The following GCC2 variants were observed in gnomAD, a reference collection of about 807,000 sequenced individuals.
GCC2 encodes the protein GRIP and coiled-coil domain-containing protein 2.
Under a neutral mutation model 210.6 loss-of-function variants are expected in GCC2, and 120 were observed. The observed-to-expected ratio is 0.57, with a 90% CI of 0.49 to 0.66. The LOEUF (loss-of-function observed/expected upper bound fraction) is 0.66. Ranked by LOEUF, GCC2 falls within the 30% of genes least tolerant of loss-of-function variation. GCC2 has a pLI of 0.00. For missense variants in GCC2, 1,868 were observed against 1,871.9 expected (o/e 1.00, Z 0.04); for synonymous variants, 703 against 652.7 (o/e 1.08, Z -1.17).
Position 108,470,433 on chromosome 2 carries a change from T to C in GCC2, c.1104T>C (p.Asp368=). The part of the protein sequence containing the change: ...MNNLKLKLEM[D]AQHIKDEFFH... ...ATCTTAAGTTAAAACTTGAAATGGA[T>C]GCTCAACATATAAAGGATGAGTTTT... Residue 368 remains aspartate, a synonymous_variant, in exon 6 of 23, where the codon GAT becomes GAC. Coordinates refer to ENST00000309863, the MANE Select transcript of GCC2 (RefSeq NM_181453.4). The C allele has an allele frequency of 1.2e-6, 2 of 1,606,544 alleles. No homozygotes were observed. Among genetic ancestry groups the C allele is most frequent in the South Asian group, 1.1e-5 (1 of 90,614 alleles).
chr2:108,501,039 T>G (rs929063334), intron 22 of GCC2, among the ~76,000 whole-genome samples: 18 of 152,246 alleles, frequency 1.2e-4, no homozygotes, highest in Non-Finnish European at 2.1e-4. Flanking sequence ...TCTGTCACCC[T>G]GGCTGGAGTG....
intron 22 of GCC2, among the ~76,000 whole-genome samples, chr2:108,501,229 C>T (rs997432553): frequency 2.0e-5 from 3 of 152,052 alleles, no homozygotes; most frequent in Non-Finnish European, 4.4e-5. Context: ...TTGTGATCTG[C>T]CCGCCTTGGC....
chr2:108,461,484 A>G (rs2104425271), intron 4 of GCC2, among the ~76,000 whole-genome samples: 1 of 152,006 alleles, frequency 6.6e-6, no homozygotes, highest in Admixed American at 6.6e-5. Flanking sequence ...TATTTCACTA[A>G]ATAGGTTTTC....
Position 108,487,694 on chromosome 2 carries a change from T to C in GCC2, c.3931-5T>C. ...AAAAACGTTTCTCTCTTTTAAATGT[T>C]ATAGGCAGAACAAGCTACTGTAACC... On this transcript the variant is annotated splice_polypyrimidine_tract_variant and splice_region_variant and intron_variant, in intron 16 of 22. Transcript: ENST00000309863. 2.5e-6 allele frequency: 4 copies of C among 1,610,122 alleles called. No individual in the cohort carries two copies. The highest frequency in any genetic ancestry group is 3.4e-6 in the Non-Finnish European group (4 of 1,178,562).
At chr2:108,449,515 C>CA in intron 1 of GCC2, 118 bp from the exon 2 acceptor site, 1 of 1,255,296 alleles carries the variant, frequency 8.0e-7, no homozygotes, top group Non-Finnish European at 1.1e-6. Flanking sequence ...TTCTCTGTCT[C>CA]ACGAGGCTTT....
intron 19 of GCC2, chr2:108,493,645 A>G (rs536255871): frequency 5.1e-6 from 5 of 985,454 alleles, no homozygotes; most frequent in East Asian, 1.1e-4. Flanking sequence ...AATGTCAGCC[A>G]TGATGATGCA....
chr2:108,498,845 G>T (rs943769569), intron 21 of GCC2, among the ~76,000 whole-genome samples: 5 of 151,626 alleles, frequency 3.3e-5, no homozygotes, highest in Middle Eastern at 3.4e-3. Context: ...AGGGGCAGGG[G>T]GTTAGTGGAG....
intron 4 of GCC2, among the ~76,000 whole-genome samples, chr2:108,465,251 A>C (rs1680819650): frequency 6.6e-6 from 1 of 152,198 alleles, no homozygotes. Flanking sequence ...TTATCTACTC[A>C]CTATTTTGGT....
chr2:108,471,845 A>C lies in GCC2; in HGVS notation c.2516A>C (p.Glu839Ala). 6.2e-7 allele frequency: 1 copy of C among 1,613,522 alleles called. No individual in the cohort carries two copies. The highest frequency in any genetic ancestry group is 1.1e-5 in the South Asian group (1 of 90,978). Reference protein sequence around the residue: ...LKSLLRDYEQEKVLLRKELEE... With the variant: ...LKSLLRDYEQAKVLLRKELEE... The stretch of plus-strand genomic sequence containing the variant: ...TCTTTATTGAGAGACTATGAGCAAG[A>C]GAAAGTTCTCTTAAGGAAAGAGTTA... The change falls in exon 6 of 23, where the codon GAG becomes GCG. Residue 839 changes from glutamate to alanine, a missense_variant. Glu to Ala is a moderately radical substitution (Grantham distance 107). Transcript: ENST00000309863.
intron 4 of GCC2, among the ~76,000 whole-genome samples, chr2:108,464,224 C>T (rs545109148): frequency 1.3e-5 from 2 of 152,212 alleles, no homozygotes; most frequent in East Asian, 1.9e-4. Context: ...ATCACCTGTG[C>T]GTCGGCCCAC....
At position 108,492,586 on chromosome 2, in the gene GCC2, C is replaced by A; in HGVS notation, c.4243C>A (p.Gln1415Lys). Residue 1415 changes from glutamine (Q) to lysine (K), a missense_variant, in exon 19 of 23, where the codon CAG (glutamine) becomes AAG (lysine). Transcript: ENST00000309863. The part of the protein sequence containing the change: ...AELREKLCSI[Q>K]SENMMMKSEH... ...CTCATCTTTCAGATTGTGTTCAATACAGTCAGAGAACATGATGATGAAATC... is the reference window on the plus strand; with the variant it reads ...CTCATCTTTCAGATTGTGTTCAATAAAGTCAGAGAACATGATGATGAAATC... 5.0e-6 allele frequency: 8 copies of A among 1,605,740 alleles called. No homozygotes were observed. The highest frequency in any genetic ancestry group is 6.8e-6 in the Non-Finnish European group (8 of 1,172,382).
chr2:108,487,899 GATT>G, intron 17 of GCC2, 79 bp downstream of exon 17: 1 of 707,220 alleles, frequency 1.4e-6, no homozygotes, highest in South Asian at 1.9e-5. Flanking sequence ...ATCCTATTAT[GATT>G]TTTTTTTTTT....
At chr2:108,477,821 GAGT>G (rs2104467303) in intron 9 of GCC2, among the ~76,000 whole-genome samples, 1 of 152,284 alleles carries the variant, frequency 6.6e-6, no homozygotes, top group East Asian at 1.9e-4. Context: ...CAAGGTGGGT[GAGT>G]CACTTGAGGC....
At chr2:108,502,446 C>G (rs1274578518) in intron 22 of GCC2, among the ~76,000 whole-genome samples, 1 of 152,018 alleles carries the variant, frequency 6.6e-6, no homozygotes, top group Non-Finnish European at 1.5e-5. Flanking sequence ...ATTAGAAACC[C>G]AGAACTCTAA....
intron 22 of GCC2, among the ~76,000 whole-genome samples, chr2:108,502,246 ATAT>A (rs1284641652): frequency 1.3e-5 from 2 of 152,200 alleles, no homozygotes; most frequent in Non-Finnish European, 2.9e-5. Context: ...TACAACAATG[ATAT>A]TATCTCAAAA....
At chr2:108,451,946 C>T (rs990666643) in intron 3 of GCC2, among the ~76,000 whole-genome samples, 4 of 151,028 alleles carry the variant, frequency 2.6e-5, no homozygotes, top group Non-Finnish European at 4.4e-5. Flanking sequence ...CGGGTTCAAG[C>T]GATTCTCCTG....
At chr2:108,491,785 A>ATTTT (rs927665332) in intron 18 of GCC2, among the ~76,000 whole-genome samples, 2 of 146,448 alleles carry the variant, frequency 1.4e-5, no homozygotes, top group East Asian at 2.0e-4. Context: ...TTATTTATTT[A>ATTTT]TTTTTTTTAC....
At chr2:108,474,997 A>G (rs545909467) in intron 7 of GCC2, 2 of 152,310 alleles carry the variant, frequency 1.3e-5, no homozygotes, top group Non-Finnish European at 2.9e-5. Flanking sequence ...AATTCAGATC[A>G]TAACTGAATT....
chr2:108,453,990 T>A (rs1444631828), intron 4 of GCC2, among the ~76,000 whole-genome samples: 1 of 151,876 alleles, frequency 6.6e-6, no homozygotes, highest in Non-Finnish European at 1.5e-5. Context: ...TTATTTATTT[T>A]TATTTATTTA....
Sources: allele counts gnomAD v4.1 joint callset (sites outside exome capture counted in the v4.1 genomes callset), GRCh38; gene constraint gnomAD v4.1.1; transcripts MANE v1.5; gene names NCBI Gene and HGNC (gene_info 2026-07-23, HGNC 2026-07-21).